Variants in LZTR1 observed in about 807,000 individuals in gnomAD.
The protein encoded by LZTR1 is leucine-zipper-like transcriptional regulator 1.
LZTR1 carries 260 observed loss-of-function variants against 105.7 expected under a neutral mutation model. The observed-to-expected ratio is 2.46, with a 90% CI of 2.22 to 2.72. The LOEUF is 2.72. Among genes scored for constraint, LZTR1 ranks in the 30% most tolerant of loss-of-function variants. The probability of loss-of-function intolerance (pLI) is 0.00; values close to 1 mark genes in which losing one functional copy is unlikely to be tolerated. For missense variants in LZTR1, 1,214 were observed against 1,166.9 expected, an observed-to-expected ratio of 1.04 and a Z score of -0.59; for synonymous variants, 490 against 476.4, an observed-to-expected ratio of 1.03 and a Z score of -0.37.
intron 6 of LZTR1, among the ~76,000 whole-genome samples, 154 bp from the exon 7 acceptor site, chr22:20,989,471 G>A (rs914951140): frequency 1.3e-5 from 2 of 152,174 alleles, no homozygotes; most frequent in Admixed American, 6.5e-5. Context: ...GGCAGTGGCT[G>A]CCACCCCACA....
chr22:20,994,112 G>T lies in LZTR1; in HGVS notation c.1458G>T (p.Glu486Asp). Residue 486 changes from glutamate (E) to aspartate (D), a missense_variant, in exon 14 of 21, where the codon GAG (glutamate) becomes GAT (aspartate). Physicochemically the swap from Glu to Asp is conservative, Grantham distance 45 (BLOSUM62 2). Transcript: ENST00000646124. The part of the protein sequence containing the change: ...QARERLAQKL[E>D]QEAAPVPREA... ...CTCCCTTCTCCCCACAGAAGCTGGAGCAGGAGGCCGCCCCAGTTCCCAGGG... is the reference window on the plus strand; with the variant it reads ...CTCCCTTCTCCCCACAGAAGCTGGATCAGGAGGCCGCCCCAGTTCCCAGGG... 6.3e-7 allele frequency: 1 copy of T among 1,579,110 alleles called. No individual in the cohort carries two copies. The highest frequency in any genetic ancestry group is 8.6e-7 in the Non-Finnish European group (1 of 1,160,604).
At chr22:20,994,789 C>T (rs1162677450) in intron 15 of LZTR1, 62 bp downstream of exon 15, 1 of 1,607,548 alleles carries the variant, frequency 6.2e-7, no homozygotes, top group Non-Finnish European at 8.5e-7. Context: ...AGGCCCCCTC[C>T]CTGCCCACCA....
intron 3 of LZTR1, chr22:20,987,222 C>T (rs1180993680): frequency 1.9e-4 from 62 of 322,596 alleles, no homozygotes; most frequent in African/African-American, 9.9e-4. Context: ...GGTGAAACCC[C>T]GTCTCTACAA....
Position 20,993,706 on chromosome 22 carries a change from G to A in LZTR1, c.1305G>A (p.Arg435=). 1 of 1,613,522 alleles carries A rather than the reference G, an allele frequency of 6.2e-7. No homozygotes were observed. Among genetic ancestry groups the A allele is most frequent in the East Asian group, 2.2e-5 (1 of 44,880 alleles). ...GCACGCTGCACGAGGACTACGGGCG[G>A]CTGTGGGAGAGCCGCCAGTTCTGCG... ...PKCTLHEDYG[R]LWESRQFCDV... Residue 435 remains arginine (R), a synonymous_variant, in exon 12 of 21, where the codon CGG becomes CGA. Transcript: ENST00000646124.
At chr22:20,987,879 C>T (rs1327061420) in intron 4 of LZTR1, 131 bp from the exon 5 acceptor site, 7 of 662,784 alleles carry the variant, frequency 1.1e-5, no homozygotes, top group Non-Finnish European at 1.9e-5. Flanking sequence ...GGCAGCAGGT[C>T]GTTCCGGGGC....
chr22:20,987,681 C>T (rs1325016957), intron 4 of LZTR1, 98 bp downstream of exon 4: 3 of 1,096,012 alleles, frequency 2.7e-6, no homozygotes, highest in East Asian at 2.4e-5. Flanking sequence ...GTGCTGTGTA[C>T]AGCAGGGGCT....
At position 20,993,680 on chromosome 22, in the gene LZTR1, T is replaced by C. The variant is rs1317381003; in HGVS notation, c.1279T>C (p.Cys427Arg). ...CTTGCAGTTCTCCTGTTACCCTAAA[T>C]GCACGCTGCACGAGGACTACGGGCG... ...YRFQFSCYPK[C>R]TLHEDYGRLW... The change falls in exon 12 of 21, where the codon TGC becomes CGC. Residue 427 changes from cysteine to arginine, a missense_variant. Physicochemically the swap from Cys to Arg is radical, Grantham distance 180. Coordinates refer to ENST00000646124, the MANE Select transcript of LZTR1 (RefSeq NM_006767.4). The C allele has an allele frequency of 6.2e-7, 1 of 1,613,482 alleles. No individual in the cohort carries two copies. Among genetic ancestry groups the C allele is most frequent in the Non-Finnish European group, 8.5e-7 (1 of 1,179,898 alleles).
At chr22:20,992,747 G>T (rs1924649889) in intron 10 of LZTR1, 47 bp from the exon 11 acceptor site, 1 of 1,248,380 alleles carries the variant, frequency 8.0e-7, no homozygotes, top group African/African-American at 1.5e-5. Context: ...GCCGCACTGT[G>T]GAGGCTCTGC....
In LZTR1 at chr22:20,988,777, C is replaced by T. The variant is rs553651716; in HGVS notation, c.510-12C>T. On this transcript the variant is annotated splice_polypyrimidine_tract_variant and intron_variant, in intron 5 of 20. Coordinates refer to ENST00000646124, the MANE Select transcript of LZTR1 (RefSeq NM_006767.4). ...GCGGCCTCACTCCCTCCCCTCTTCC[C>T]TCACACTCCAGGTTGCCAGTCGCTA... 2 of 1,611,378 alleles carry T rather than the reference C, an allele frequency of 1.2e-6. No individual in the cohort carries two copies. The highest frequency in any genetic ancestry group is 3.3e-5 in the Admixed American group (2 of 60,020).
chr22:20,985,891 G>C lies in LZTR1; in HGVS notation c.314G>C (p.Trp105Ser). The change falls in exon 3 of 21, where the codon TGG becomes TCG. Residue 105 changes from tryptophan to serine, a missense_variant. Transcript: ENST00000646124. Reference sequence around the variant, plus strand: ...CGGTTCGATGTGAAAGACTGCTCCTGGTGCAGGTGGGTGGCCCCGTGCTCC... The same window carrying C: ...CGGTTCGATGTGAAAGACTGCTCCTCGTGCAGGTGGGTGGCCCCGTGCTCC... ...LLRFDVKDCS[W>S]CRAFTTGTPP... 1 of 1,614,124 alleles carries C rather than the reference G, an allele frequency of 6.2e-7. No homozygotes were observed. The highest frequency in any genetic ancestry group is 8.5e-7 in the Non-Finnish European group (1 of 1,180,016).
rs367575051 is a variant in LZTR1, at chr22:20,988,188, C to G, written c.509+70C>G. On this transcript the variant is annotated intron_variant, in intron 5 of 20. Transcript: ENST00000646124. ...TGGCATTGGACCTGGGATCTGCCCCCTTTTGCCTCCCAGATGAGGACCCTG... is the reference window on the plus strand; with the variant it reads ...TGGCATTGGACCTGGGATCTGCCCCGTTTTGCCTCCCAGATGAGGACCCTG... 2.0e-5 allele frequency: 20 copies of G among 979,402 alleles called. 1 individual carries two copies. Among genetic ancestry groups the G allele is most frequent in the East Asian group, 1.7e-4 (7 of 41,278 alleles). The allele number at this position is 979,402 out of a possible 1,614,324, so 60.7% of individuals were successfully genotyped here.
chr22:20,989,698 AGCCAGGGCGCAG>A lies in LZTR1; in HGVS notation c.651+18_651+29del. 1 of 428,948 alleles carries A rather than the reference AGCCAGGGCGCAG, an allele frequency of 2.3e-6. No individual in the cohort carries two copies. Among genetic ancestry groups the A allele is most frequent in the Non-Finnish European group, 2.9e-6 (1 of 346,296 alleles). 26.6% of individuals were successfully genotyped at this position (428,948 alleles called of 1,614,324 possible). A position where few individuals can be genotyped will look rare whatever the true frequency, so the allele number is the denominator to read the frequency against. On this transcript the variant is annotated intron_variant, in intron 7 of 20. Coordinates refer to ENST00000646124, the MANE Select transcript of LZTR1 (RefSeq NM_006767.4). Reference sequence around the variant, plus strand: ...CTGGGAGGAGGTGAGGGGCGTGGGGAGCCAGGGCGCAGGTAGAGGAGGTGAGGGGCACGGGGA... The same window carrying A: ...CTGGGAGGAGGTGAGGGGCGTGGGGAGTAGAGGAGGTGAGGGGCACGGGGA...
At chr22:20,988,174 C>T in intron 5 of LZTR1, 56 bp downstream of exon 5, 2 of 1,144,204 alleles carry the variant, frequency 1.7e-6, no homozygotes, top group Non-Finnish European at 1.3e-6. Context: ...GGCATTGGAC[C>T]TGGGATCTGC....
intron 16 of LZTR1, 95 bp from the exon 17 acceptor site, chr22:20,995,651 G>A: frequency 6.7e-7 from 1 of 1,481,892 alleles, no homozygotes; most frequent in Non-Finnish European, 9.3e-7. Context: ...TTTGTTCAGG[G>A]CAGCAACATG....
chr22:20,986,018 G>A, intron 3 of LZTR1, 121 bp downstream of exon 3: 2 of 1,074,470 alleles, frequency 1.9e-6, no homozygotes, highest in South Asian at 2.8e-5. Context: ...GCTTCCAGGA[G>A]GAGATAACCA....
Position 20,989,520 on chromosome 22 carries a change from C to T in LZTR1, c.594-105C>T, listed in dbSNP as rs139647194. ...CTCATGGCCGCACAAGTCTCCTACCCTGTGTGGGGGTGGGGCTCCTCCCTG... is the reference window on the plus strand; with the variant it reads ...CTCATGGCCGCACAAGTCTCCTACCTTGTGTGGGGGTGGGGCTCCTCCCTG... On this transcript the variant is annotated intron_variant, in intron 6 of 20. Transcript: ENST00000646124. 9.4e-4 allele frequency: 862 copies of T among 917,546 alleles called. 11 individuals carry two copies. In the East Asian group the frequency reaches 0.02, roughly 21 times the overall value. 56.8% of individuals were successfully genotyped at this position (917,546 alleles called of 1,614,324 possible). A position where few individuals can be genotyped will look rare whatever the true frequency, so the allele number is the denominator to read the frequency against.
chr22:20,996,288 G>C, intron 18 of LZTR1, 176 bp downstream of exon 18: 1 of 698,548 alleles, frequency 1.4e-6, no homozygotes. Context: ...GCAGTTGGCA[G>C]CTGGCAAGGA....
Position 20,988,509 on chromosome 22 carries a change from G to A in LZTR1, c.510-280G>A, listed in dbSNP as rs561186638. The stretch of plus-strand genomic sequence containing the variant: ...TAAGATCCAATGTACTGCTGATGGC[G>A]CTTCTGGGGTCCCGCTTTTTGAGCA... On this transcript the variant is annotated intron_variant, in intron 5 of 20. Coordinates refer to ENST00000646124, the MANE Select transcript of LZTR1 (RefSeq NM_006767.4). Among the ~76,000 whole-genome samples, 5 of 152,318 alleles carry A rather than the reference G, an allele frequency of 3.3e-5. No individual in the cohort carries two copies. The South Asian group carries it at 1.0e-3, about 32-fold the overall frequency.
chr22:20,989,828 G>C, intron 7 of LZTR1, 146 bp downstream of exon 7: 1 of 867,792 alleles, frequency 1.2e-6, no homozygotes, highest in Non-Finnish European at 1.8e-6. Context: ...TGGGGGTCGA[G>C]GCTGCTTTCT....
Sources: gnomAD v4.1 joint callset for allele counts (sites outside exome capture counted in the v4.1 genomes callset) on GRCh38, gnomAD v4.1.1 for gene constraint, MANE v1.5 for transcripts, NCBI Gene and HGNC (gene_info 2026-07-23, HGNC 2026-07-21) for gene names.